Variants in FAM227A observed in about 807,000 individuals in gnomAD.
FAM227A encodes protein FAM227A.
FAM227A carries 80 observed loss-of-function variants against 74.7 expected under a neutral mutation model. The observed-to-expected ratio is 1.07, with a 90% CI of 0.89 to 1.29. The LOEUF is 1.29. Ranked by LOEUF, FAM227A falls within the 50% of genes most tolerant of loss-of-function variation. FAM227A has a pLI of 0.00. For synonymous variants in FAM227A, 237 were observed against 241.8 expected, an observed-to-expected ratio of 0.98 and a Z score of 0.19; for missense variants, 654 against 683.4, an observed-to-expected ratio of 0.96 and a Z score of 0.48.
Position 38,626,793 on chromosome 22 carries a change from GA to G in FAM227A, c.727-491del, listed in dbSNP as rs986221898. Among the ~76,000 whole-genome samples the G allele has an allele frequency of 6.2e-5, 8 of 128,430 alleles. No homozygotes were observed. In the South Asian group the frequency reaches 8.2e-4, roughly 13 times the overall value. 84.3% of individuals were successfully genotyped at this position (128,430 alleles called of 152,430 possible). ...GGAGGCTGAGGCAGGAGAAGCACTT[GA>G]ACCAGGAGGACAGAGGTTGCAGTGA... is the stretch of plus-strand genomic sequence containing the variant. On this transcript the variant is annotated intron_variant, in intron 8 of 16. Transcript: ENST00000535113.
chr22:38,631,327 G>T (rs559411731), intron 6 of FAM227A, among the ~76,000 whole-genome samples: 5 of 152,136 alleles, frequency 3.3e-5, no homozygotes, highest in Non-Finnish European at 7.4e-5. Flanking sequence ...ATAAGTGGGA[G>T]CTGAACACTG....
intron 8 of FAM227A, 23 bp downstream of exon 8, chr22:38,628,215 T>C (rs1431846670): frequency 2.1e-6 from 3 of 1,398,934 alleles, no homozygotes; most frequent in South Asian, 2.5e-5. Flanking sequence ...TGACTTTTTT[T>C]CTAGATAGTG....
chr22:38,608,453 C>T (rs939910100), intron 11 of FAM227A, among the ~76,000 whole-genome samples: 13 of 151,544 alleles, frequency 8.6e-5, no homozygotes, highest in African/African-American at 2.2e-4. Flanking sequence ...TTTTTTGAGA[C>T]GGAATCTTGC....
rs750068338 is a variant in FAM227A, at chr22:38,591,545, G to A, written c.1533-5C>T. The A allele has an allele frequency of 6.5e-6, 10 of 1,537,094 alleles. No individual in the cohort carries two copies. The highest frequency in any genetic ancestry group is 1.4e-5 in the African/African-American group (1 of 72,190). On this transcript the variant is annotated splice_polypyrimidine_tract_variant and splice_region_variant and intron_variant, in intron 15 of 16. Transcript: ENST00000535113. ...GGATCAATATTCTTCATTTCCCTGG[G>A]AGGAAAACACAGAGACATATGGAAA...
At chr22:38,634,120 G>T (rs950848769) in intron 6 of FAM227A, among the ~76,000 whole-genome samples, 3 of 151,138 alleles carry the variant, frequency 2.0e-5, no homozygotes, top group African/African-American at 7.3e-5. Context: ...ACTCAGGGAG[G>T]CTGAGACAGG....
Position 38,583,386 on chromosome 22 carries a change from G to C in FAM227A, c.*2739C>G, listed in dbSNP as rs2090743031. 1 of 165,206 alleles carries C rather than the reference G, an allele frequency of 6.1e-6. No individual in the cohort carries two copies. The highest frequency in any genetic ancestry group is 1.8e-4 in the East Asian group (1 of 5,600). The allele number at this position is 165,206 out of a possible 1,614,324, so 10.2% of individuals were successfully genotyped here. A position where few individuals can be genotyped will look rare whatever the true frequency, so the allele number is the denominator to read the frequency against. On this transcript the variant is annotated 3_prime_UTR_variant, in exon 17 of 17. Transcript: ENST00000535113. Reference sequence around the variant, plus strand: ...GATGGAGTTTCGCCACGTTGGCCAGGCTGGTCTCAAACTCCTGACCTCAGG... The same window carrying C: ...GATGGAGTTTCGCCACGTTGGCCAGCCTGGTCTCAAACTCCTGACCTCAGG...
chr22:38,607,245 T>G, intron 12 of FAM227A, 144 bp downstream of exon 12: 1 of 531,816 alleles, frequency 1.9e-6, no homozygotes, highest in Non-Finnish European at 3.4e-6. Flanking sequence ...TTTCATAAAA[T>G]ATTACTTGGT....
Position 38,626,199 on chromosome 22 carries a change from T to C in FAM227A, c.831A>G (p.Thr277=). 4.5e-6 allele frequency: 7 copies of C among 1,551,552 alleles called. No homozygotes were observed. Among genetic ancestry groups the C allele is most frequent in the Non-Finnish European group, 6.1e-6 (7 of 1,146,910 alleles). Residue 277 remains threonine, a synonymous_variant, in exon 9 of 17, where the codon ACA becomes ACG. Transcript: ENST00000535113. ...TCTCACCTGAAATCCACAGGCTCAT[T>C]GTGTTACAGATGTCAGACTTGAATT... ...THEFKSDICN[T]MSLWISGTYP...
At chr22:38,618,730 C>G (rs1193043974) in intron 11 of FAM227A, among the ~76,000 whole-genome samples, 1 of 152,050 alleles carries the variant, frequency 6.6e-6, no homozygotes. Context: ...ATCTCCTAGA[C>G]CAGGGGTTAG....
At chr22:38,597,138 G>A (rs575261178) in intron 15 of FAM227A, 66 bp downstream of exon 15, 1 of 1,470,918 alleles carries the variant, frequency 6.8e-7, no homozygotes, top group East Asian at 2.5e-5. Flanking sequence ...ATTTAAAAAT[G>A]ATGATGATCG....
chr22:38,646,299 G>T lies in FAM227A; in HGVS notation c.143-654C>A, dbSNP rs562419105. 2.7e-5 allele frequency among the ~76,000 whole-genome samples: 3 copies of T among 112,574 alleles called. No homozygotes were observed. The East Asian group carries it at 7.7e-4, about 29-fold the overall frequency. 73.9% of individuals were successfully genotyped at this position (112,574 alleles called of 152,430 possible). On this transcript the variant is annotated intron_variant, in intron 2 of 16. Coordinates refer to ENST00000535113, the MANE Select transcript of FAM227A (RefSeq NM_001013647.2). ...TTTTGAGACGGAGTCTCGCTCTGTC[G>T]CCCAGGCTGGAGTGCAGTGGCGGGA... is the stretch of plus-strand genomic sequence containing the variant.
chr22:38,585,935 C>G lies in FAM227A; in HGVS notation c.*190G>C. On this transcript the variant is annotated 3_prime_UTR_variant, in exon 17 of 17. Coordinates refer to ENST00000535113, the MANE Select transcript of FAM227A (RefSeq NM_001013647.2). Reference sequence around the variant, plus strand: ...CTATGAATAAATGTAGTGACCCAAGCACCAACTCTCTACTCCTGCTTTTCA... The same window carrying G: ...CTATGAATAAATGTAGTGACCCAAGGACCAACTCTCTACTCCTGCTTTTCA... 3.0e-6 allele frequency: 4 copies of G among 1,330,690 alleles called. No homozygotes were observed. Among genetic ancestry groups the G allele is most frequent in the Non-Finnish European group, 4.0e-6 (4 of 989,708 alleles). 82.4% of individuals were successfully genotyped at this position (1,330,690 alleles called of 1,614,324 possible). A position where few individuals can be genotyped will look rare whatever the true frequency, so the allele number is the denominator to read the frequency against.
At chr22:38,634,722 C>T (rs916686661) in intron 6 of FAM227A, among the ~76,000 whole-genome samples, 2 of 152,072 alleles carry the variant, frequency 1.3e-5, no homozygotes, top group Non-Finnish European at 2.9e-5. Context: ...CTGCCTCTCC[C>T]GAGGAAAGCA....
At chr22:38,609,657 G>A (rs1307198294) in intron 11 of FAM227A, among the ~76,000 whole-genome samples, 1 of 152,212 alleles carries the variant, frequency 6.6e-6, no homozygotes, top group Non-Finnish European at 1.5e-5. Flanking sequence ...GGACTTCCCA[G>A]ACATCGTGCA....
intron 12 of FAM227A, among the ~76,000 whole-genome samples, chr22:38,606,404 A>C (rs2091284739): frequency 2.0e-5 from 3 of 152,192 alleles, no homozygotes; most frequent in Non-Finnish European, 4.4e-5. Flanking sequence ...TCTGGGCTCA[A>C]GCAATCCTAC....
chr22:38,597,974 C>T (rs1043884983), intron 14 of FAM227A, among the ~76,000 whole-genome samples: 7 of 142,218 alleles, frequency 4.9e-5, no homozygotes, highest in Non-Finnish European at 9.0e-5. Context: ...ACCCAGGAGG[C>T]GGAAGTTGCG....
chr22:38,587,115 C>T (rs1330397867), intron 16 of FAM227A, among the ~76,000 whole-genome samples: 6 of 151,988 alleles, frequency 3.9e-5, no homozygotes, highest in Non-Finnish European at 7.4e-5. Context: ...TGGAGTGCAG[C>T]AAAAGCAGTG....
intron 11 of FAM227A, among the ~76,000 whole-genome samples, chr22:38,613,116 TTATATATAATTATATATATAA>T (rs2091461918): frequency 1.1e-5 from 1 of 91,124 alleles, no homozygotes; most frequent in East Asian, 2.7e-4. Context: ...TATATATATA[TTATATATAATTATATATATAA>T]TATATATATT....
intron 3 of FAM227A, among the ~76,000 whole-genome samples, chr22:38,642,676 C>A (rs915048730): frequency 2.0e-5 from 3 of 152,218 alleles, no homozygotes; most frequent in Non-Finnish European, 4.4e-5. Flanking sequence ...TGGCTCACGC[C>A]TGTAATCCCA....
Sources: gnomAD v4.1 joint callset for allele counts (sites outside exome capture counted in the v4.1 genomes callset) on GRCh38, gnomAD v4.1.1 for gene constraint, MANE v1.5 for transcripts, NCBI Gene and HGNC (gene_info 2026-07-23, HGNC 2026-07-21) for gene names.